The following SETD5 variants were observed in gnomAD, a reference collection of about 807,000 sequenced individuals.
SETD5 encodes the protein SET domain containing 5, also known as histone-lysine N-methyltransferase SETD5.
Under a neutral mutation model 153.3 loss-of-function variants are expected in SETD5, and 44 were observed. The observed-to-expected ratio is 0.29, with a 90% confidence interval of 0.23 to 0.37. The LOEUF (loss-of-function observed/expected upper bound fraction) is 0.37. Among genes scored for constraint, SETD5 ranks in the 10% least tolerant of loss-of-function variants. The pLI is 1.00. For synonymous variants in SETD5, 716 were observed against 645.2 expected, an observed-to-expected ratio of 1.11 and a Z score of -1.66; for missense variants, 1,544 against 1,768.0, an observed-to-expected ratio of 0.87 and a Z score of 2.27.
chr3:9,418,841 G>A (rs1186925105), intron 1 of SETD5, among the ~76,000 whole-genome samples: 2 of 151,874 alleles, frequency 1.3e-5, no homozygotes, highest in African/African-American at 4.8e-5. Flanking sequence ...ATAAACATTG[G>A]GAATTTGCAG....
At chr3:9,443,042 A>G (rs2041501920) in intron 10 of SETD5, 2 of 331,554 alleles carry the variant, frequency 6.0e-6, no homozygotes, top group Admixed American at 4.4e-5. Flanking sequence ...TGTATCTCAA[A>G]AAAAAGATGT....
intron 1 of SETD5, among the ~76,000 whole-genome samples, chr3:9,420,362 T>C (rs79854794): frequency 0.052 from 7,891 of 152,018 alleles, 306 homozygotes; most frequent in Admixed American, 0.11. Flanking sequence ...TTATGAAGTT[T>C]TTTACGGAGA....
chr3:9,426,211 CCCTTTTTTTTTTTTTTTTTTTTTTTTT>C (rs1559382826), intron 2 of SETD5: 1 of 1,926 alleles, frequency 5.2e-4, no homozygotes, highest in African/African-American at 1.4e-3. Flanking sequence ...GTTCATCAGT[CCCTTTTTTTTTTTTTTTTTTTTTTTTT>C]TTTTTTTTTT....
chr3:9,447,066 A>C lies in SETD5; in HGVS notation c.1541A>C (p.Lys514Thr). 1 of 1,610,094 alleles carries C rather than the reference A, an allele frequency of 6.2e-7. No homozygotes were observed. Among genetic ancestry groups the C allele is most frequent in the Non-Finnish European group, 8.5e-7 (1 of 1,178,038 alleles). Residue 514 changes from lysine (K) to threonine (T), a missense_variant, in exon 14 of 23, where the codon AAG (lysine) becomes ACG (threonine). By Grantham distance (78) the Lys-to-Thr change is moderately conservative (BLOSUM62 -1). Coordinates refer to ENST00000402198, the MANE Select transcript of SETD5 (RefSeq NM_001080517.3). ...TCTTTCTAGACCAGGGAAGATAGAA[A>C]GGTAGAAGCCATCATGCATGCTTTT... is the stretch of plus-strand genomic sequence containing the variant. ...AHSRRTREDR[K>T]VEAIMHAFEN...
chr3:9,474,932 T>A lies in SETD5; in HGVS notation c.3632-136T>A, dbSNP rs553551205. On this transcript the variant is annotated intron_variant, in intron 21 of 22. Coordinates refer to ENST00000402198, the MANE Select transcript of SETD5 (RefSeq NM_001080517.3). ...AACCACTCATTTTGCCCTTCTGGCA[T>A]GCTGCACTCACCCAATTTGTCACAA... The A allele has an allele frequency of 4.0e-6, 3 of 752,968 alleles. No homozygotes were observed. The African/African-American group carries it at 5.3e-5, about 13-fold the overall frequency. 46.6% of individuals were successfully genotyped at this position (752,968 alleles called of 1,614,324 possible). A position where few individuals can be genotyped will look rare whatever the true frequency, so the allele number is the denominator to read the frequency against.
chr3:9,445,295 C>T lies in SETD5; in HGVS notation c.1435C>T (p.His479Tyr), dbSNP rs1315341489. The T allele has an allele frequency of 1.2e-6, 2 of 1,603,058 alleles. No homozygotes were observed. The highest frequency in any genetic ancestry group is 1.7e-6 in the Non-Finnish European group (2 of 1,174,310). Residue 479 changes from histidine to tyrosine, a missense_variant, in exon 12 of 23, where the codon CAT becomes TAT. His to Tyr is a moderately conservative substitution (Grantham distance 83). Around this residue, in one of 9 missense-constraint regions of SETD5, gnomAD observed 782 missense variants for 787.2 expected, o/e 0.99. Coordinates refer to ENST00000402198, the MANE Select transcript of SETD5 (RefSeq NM_001080517.3). ...AGAAAAAGTAACTGTATCCAGTGAT[C>T]ATGAGGTAATCGCCCCTGGTCAAAT... ...VPEKVTVSSD[H>Y]EEVDNPEEKP... is the part of the protein sequence containing the mutation.
rs563855194 is a variant in SETD5 at position 9,458,486 on chromosome 3, G to A, written c.2476+4618G>A. Among the ~76,000 whole-genome samples the A allele has an allele frequency of 5.9e-5, 9 of 152,234 alleles. No individual in the cohort carries two copies. The East Asian group carries it at 1.5e-3, about 26-fold the overall frequency. On this transcript the variant is annotated intron_variant, in intron 17 of 22. Transcript: ENST00000402198. ...TAAAAATTAGCCAGGCATGATGGTG[G>A]GTTGCCTGTAGCCTTAAGGAGGCTG...
rs748726626 is a variant in SETD5, at chr3:9,434,917, A to G, written c.388+35A>G. The G allele has an allele frequency of 1.9e-6, 3 of 1,604,372 alleles. No individual in the cohort carries two copies. The highest frequency in any genetic ancestry group is 8.5e-7 in the Non-Finnish European group (1 of 1,175,112). The stretch of plus-strand genomic sequence containing the variant: ...AGATGGGTTAGGTCCACAATTTGAC[A>G]TAAAAATATTCTGTGATCTGAATGT... On this transcript the variant is annotated intron_variant, in intron 6 of 22. Transcript: ENST00000402198. The surrounding 1 kb of genome is among the most constrained non-coding windows in gnomAD (Gnocchi z 5.6).
At chr3:9,459,545 C>T (rs956893509) in intron 17 of SETD5, among the ~76,000 whole-genome samples, 13 of 151,268 alleles carry the variant, frequency 8.6e-5, no homozygotes, top group African/African-American at 2.9e-4. Flanking sequence ...CCGAGGCAGG[C>T]GGATCACGAG....
rs761820258 is a variant in SETD5, at chr3:9,435,915, G to A, written c.567+9G>A. On this transcript the variant is annotated intron_variant, in intron 7 of 22. Transcript: ENST00000402198. ...AGACGAAGAAAATCAAGGTATGCAG[G>A]GTAAAAATATCTTAAATAGAAATTG... The A allele has an allele frequency of 6.4e-7, 1 of 1,556,792 alleles. No individual in the cohort carries two copies. Among genetic ancestry groups the A allele is most frequent in the Non-Finnish European group, 8.7e-7 (1 of 1,153,780 alleles).
At chr3:9,407,244 C>G (rs2035844264) in intron 1 of SETD5, among the ~76,000 whole-genome samples, 1 of 152,154 alleles carries the variant, frequency 6.6e-6, no homozygotes, top group South Asian at 2.1e-4. Context: ...ATAAGAATTG[C>G]TTGACCCTGG....
intron 17 of SETD5, among the ~76,000 whole-genome samples, chr3:9,460,613 G>A (rs962703857): frequency 2.6e-5 from 4 of 151,618 alleles, no homozygotes; most frequent in Non-Finnish European, 4.4e-5. Flanking sequence ...AATAACATTC[G>A]GAAATAAACA....
At chr3:9,426,939 A>AG (rs1421094004) in intron 2 of SETD5, among the ~76,000 whole-genome samples, 1 of 152,130 alleles carries the variant, frequency 6.6e-6, no homozygotes, top group Non-Finnish European at 1.5e-5. Context: ...GCTGGAGTGC[A>AG]GTGCATGATT....
rs1185127275 is a variant in SETD5, at chr3:9,477,443, A to G, written c.*1352A>G. 1 of 152,618 alleles carries G rather than the reference A, an allele frequency of 6.6e-6. No individual in the cohort carries two copies. 9.5% of individuals were successfully genotyped at this position (152,618 alleles called of 1,614,324 possible). A position where few individuals can be genotyped will look rare whatever the true frequency, so the allele number is the denominator to read the frequency against. ...ATGGTAGGGGTAGTGAATATATGAC[A>G]GGTGTAATCCCTGGTGCTGCAGTGG... is the stretch of plus-strand genomic sequence containing the variant. On this transcript the variant is annotated 3_prime_UTR_variant, in exon 23 of 23. Transcript: ENST00000402198.
intron 3 of SETD5, 146 bp downstream of exon 3, chr3:9,429,155 C>T: frequency 2.4e-6 from 1 of 425,472 alleles, no homozygotes; most frequent in African/African-American, 2.0e-5. Flanking sequence ...CCTTTACCCC[C>T]ATTGAAGGTG....
rs1357727671 is a variant in SETD5 at position 9,397,819 on chromosome 3, G to T, written c.-335G>T. 3 of 100,928 alleles carry T rather than the reference G, an allele frequency of 3.0e-5. No individual in the cohort carries two copies. Among genetic ancestry groups the T allele is most frequent in the African/African-American group, 1.2e-4 (3 of 24,498 alleles). The allele number at this position is 100,928 out of a possible 1,614,324, so 6.3% of individuals were successfully genotyped here. A position where few individuals can be genotyped will look rare whatever the true frequency, so the allele number is the denominator to read the frequency against. ...TGCCCCCCCTCCCCGCCTTTGGCTC[G>T]CTCCGCCTTTCTGCCCCCCACCCCC... is the stretch of plus-strand genomic sequence containing the variant. On this transcript the variant is annotated 5_prime_UTR_variant, in exon 1 of 23. Transcript: ENST00000402198.
intron 1 of SETD5, among the ~76,000 whole-genome samples, chr3:9,423,949 A>G (rs1210530431): frequency 6.6e-6 from 1 of 152,160 alleles, no homozygotes; most frequent in Non-Finnish European, 1.5e-5. Context: ...ACTCCTTTTT[A>G]TCACTCTTTT....
chr3:9,399,615 TTTAAA>T (rs2034417239), intron 1 of SETD5, among the ~76,000 whole-genome samples: 2 of 152,106 alleles, frequency 1.3e-5, no homozygotes, highest in South Asian at 2.1e-4. Context: ...TAGCTGCAAA[TTTAAA>T]TTAGATTGTA....
intron 19 of SETD5, among the ~76,000 whole-genome samples, chr3:9,472,570 AATTAC>A (rs2045420853): frequency 6.6e-6 from 1 of 152,244 alleles, no homozygotes; most frequent in Admixed American, 6.5e-5. Flanking sequence ...TTTTTACATT[AATTAC>A]ATCTATGTGT....
Sources: gnomAD v4.1 joint callset for allele counts (sites outside exome capture counted in the v4.1 genomes callset) on GRCh38, gnomAD v4.1.1 for gene constraint, gnomAD v4.1.1 regional missense constraint, Gnocchi (gnomAD v3.1) non-coding constraint, MANE v1.5 for transcripts, NCBI Gene and HGNC (gene_info 2026-07-23, HGNC 2026-07-21) for gene names.